Variants in ADAM22 observed in about 807,000 individuals in gnomAD.
The protein encoded by ADAM22 is ADAM metallopeptidase domain 22, also known as disintegrin and metalloproteinase domain-containing protein 22.
ADAM22 carries 65 observed loss-of-function variants against 144.6 expected under a neutral mutation model. The ratio of observed to expected loss-of-function variants is 0.45; its 90% CI spans 0.37 to 0.55. The LOEUF (loss-of-function observed/expected upper bound fraction) is 0.55, where lower values mean the gene tolerates loss of function less well. ADAM22 is among the 20% of genes least tolerant of loss of function. The pLI is 0.00. For synonymous variants in ADAM22, 391 were observed against 412.6 expected (o/e 0.95, Z 0.63); for missense variants, 974 against 1,184.9 (o/e 0.82, Z 2.61).
At chr7:88,148,531 A>C (rs923069554) in intron 17 of ADAM22, among the ~76,000 whole-genome samples, 2 of 152,220 alleles carry the variant, frequency 1.3e-5, no homozygotes, top group Non-Finnish European at 2.9e-5. Context: ...GAAGGGTAGA[A>C]GAAACATGGG....
intron 31 of ADAM22, among the ~76,000 whole-genome samples, chr7:88,193,935 G>T (rs532143005): frequency 3.3e-5 from 5 of 152,146 alleles, no homozygotes; most frequent in Non-Finnish European, 7.4e-5. Context: ...TAAAAGCTGT[G>T]TAGATCACTA....
At chr7:87,969,705 C>CCT (rs1259550779) in intron 2 of ADAM22, among the ~76,000 whole-genome samples, 1 of 152,124 alleles carries the variant, frequency 6.6e-6, no homozygotes, top group Non-Finnish European at 1.5e-5. Context: ...TTCAAATGTA[C>CCT]CTCAGCTCTT....
chr7:87,956,201 A>T (rs1379276206), intron 2 of ADAM22, among the ~76,000 whole-genome samples: 4 of 152,036 alleles, frequency 2.6e-5, no homozygotes, highest in Admixed American at 6.6e-5. Flanking sequence ...GAAATGCAGA[A>T]ATCACCCGTC....
At chr7:88,048,706 T>C (rs1218268466) in intron 3 of ADAM22, among the ~76,000 whole-genome samples, 4 of 152,126 alleles carry the variant, frequency 2.6e-5, no homozygotes. Flanking sequence ...ATTTTTTATA[T>C]ACAGGGTGGT....
At chr7:88,146,865 G>C (rs764377143) in intron 17 of ADAM22, among the ~76,000 whole-genome samples, 13 of 152,188 alleles carry the variant, frequency 8.5e-5, no homozygotes, top group Non-Finnish European at 1.5e-4. Context: ...AGCAGGCACT[G>C]GCAGAGATCT....
intron 21 of ADAM22, among the ~76,000 whole-genome samples, chr7:88,154,592 TTA>T (rs1839380941): frequency 6.6e-6 from 1 of 152,182 alleles, no homozygotes; most frequent in Non-Finnish European, 1.5e-5. Context: ...TATAAGTTGT[TTA>T]TGTGTGTGAT....
intron 7 of ADAM22, among the ~76,000 whole-genome samples, chr7:88,123,021 C>T (rs772385606): frequency 1.2e-4 from 18 of 152,200 alleles, no homozygotes; most frequent in East Asian, 1.9e-4. Context: ...ATGTCTATTA[C>T]GGGATCATAT....
At chr7:88,038,762 A>G (rs1216650118) in intron 3 of ADAM22, among the ~76,000 whole-genome samples, 1 of 151,608 alleles carries the variant, frequency 6.6e-6, no homozygotes, top group African/African-American at 2.4e-5. Flanking sequence ...GTAACTGAAT[A>G]ATAGATATTT....
chr7:88,066,472 T>G (rs6958024), intron 3 of ADAM22, among the ~76,000 whole-genome samples: 56,150 of 151,940 alleles, frequency 0.37, 11,582 homozygotes, highest in South Asian at 0.61. Context: ...AGTTTGGACA[T>G]GTTAAGTGTG....
At chr7:88,066,835 TA>T (rs1811379944) in intron 3 of ADAM22, among the ~76,000 whole-genome samples, 2 of 152,116 alleles carry the variant, frequency 1.3e-5, no homozygotes, top group Admixed American at 1.3e-4. Flanking sequence ...GGTGATCAGC[TA>T]TGTCAAATGC....
At chr7:87,986,753 T>C (rs1788586068) in intron 3 of ADAM22, among the ~76,000 whole-genome samples, 1 of 152,192 alleles carries the variant, frequency 6.6e-6, no homozygotes, top group South Asian at 2.1e-4. Context: ...TTTCATATGA[T>C]TGTTTAATAT....
At chr7:87,985,312 CAAA>C (rs887217369) in intron 3 of ADAM22, among the ~76,000 whole-genome samples, 1 of 125,458 alleles carries the variant, frequency 8.0e-6, no homozygotes. Context: ...GACTCCATCT[CAAA>C]AAAAAAAAAA....
At chr7:88,035,969 C>T (rs930500145) in intron 3 of ADAM22, among the ~76,000 whole-genome samples, 3 of 152,108 alleles carry the variant, frequency 2.0e-5, no homozygotes, top group African/African-American at 7.2e-5. Context: ...GTTTAATTTC[C>T]ACATGTTCTT....
At chr7:88,052,229 G>A (rs974808557) in intron 3 of ADAM22, among the ~76,000 whole-genome samples, 38 of 151,844 alleles carry the variant, frequency 2.5e-4, no homozygotes, top group Non-Finnish European at 1.0e-4. Flanking sequence ...CGGACGCGGT[G>A]GCTCACGCCT....
intron 3 of ADAM22, among the ~76,000 whole-genome samples, chr7:88,020,182 C>G (rs191395935): frequency 6.6e-6 from 1 of 152,182 alleles, no homozygotes; most frequent in East Asian, 1.9e-4. Context: ...GAGTATTAGT[C>G]ATGGCAAGGG....
chr7:87,964,574 C>G (rs1314386290), intron 2 of ADAM22: 1 of 386,694 alleles, frequency 2.6e-6, no homozygotes, highest in African/African-American at 2.1e-5. Context: ...TATTTTTCAA[C>G]CCCTTAGGTT....
At chr7:88,121,692 A>G (rs904751650) in intron 7 of ADAM22, among the ~76,000 whole-genome samples, 1 of 152,130 alleles carries the variant, frequency 6.6e-6, no homozygotes, top group Non-Finnish European at 1.5e-5. Context: ...AACTTGTTCC[A>G]GGAGATAGTG....
chr7:88,023,113 GTCTTC>G (rs1159297572), intron 3 of ADAM22, among the ~76,000 whole-genome samples: 2 of 152,072 alleles, frequency 1.3e-5, no homozygotes, highest in African/African-American at 4.8e-5. Flanking sequence ...TTGTTTCGTG[GTCTTC>G]TCTTCATTCT....
intron 3 of ADAM22, among the ~76,000 whole-genome samples, chr7:88,002,628 C>G (rs1792846289): frequency 6.6e-6 from 1 of 152,124 alleles, no homozygotes; most frequent in Non-Finnish European, 1.5e-5. Context: ...AAGAAAGAAT[C>G]ATATTTCAAA....
Sources: allele counts gnomAD v4.1 joint callset (sites outside exome capture counted in the v4.1 genomes callset), GRCh38; gene constraint gnomAD v4.1.1; transcripts MANE v1.5; gene names NCBI Gene and HGNC (gene_info 2026-07-23, HGNC 2026-07-21).